MYBPC1: variants seen among roughly 807,000 people sequenced by gnomAD.
The protein encoded by MYBPC1 is myosin-binding protein C, slow-type.
MYBPC1 carries 52 observed loss-of-function variants against 147.1 expected under a neutral mutation model. The observed-to-expected ratio is 0.35, with a 90% CI of 0.28 to 0.45. MYBPC1 has a LOEUF of 0.45. Ranked by LOEUF, MYBPC1 falls within the 20% of genes least tolerant of loss-of-function variation. MYBPC1 has a pLI of 1.00. For synonymous variants in MYBPC1, 477 were observed against 475.9 expected, an observed-to-expected ratio of 1.00 and a Z score of -0.03; for missense variants, 1,228 against 1,440.3, an observed-to-expected ratio of 0.85 and a Z score of 2.39.
chr12:101,654,648 C>G (rs1305902700), intron 18 of MYBPC1, among the ~76,000 whole-genome samples: 1 of 152,086 alleles, frequency 6.6e-6, no homozygotes, highest in Admixed American at 6.5e-5. Flanking sequence ...AAGTATTCAG[C>G]AAAGATCAGT....
At chr12:101,678,050 T>G (rs370302106) in intron 27 of MYBPC1, 52 bp from the exon 28 acceptor site, 1 of 1,582,562 alleles carries the variant, frequency 6.3e-7, no homozygotes, top group Non-Finnish European at 8.7e-7. Context: ...CAATAATATA[T>G]TCTCAGGCCA....
At position 101,670,386 on chromosome 12, in the gene MYBPC1, G is replaced by A. The variant is rs2136651873; in HGVS notation, c.2590G>A (p.Val864Ile). 1 of 1,613,936 alleles carries A rather than the reference G, an allele frequency of 6.2e-7. No homozygotes were observed. Among genetic ancestry groups the A allele is most frequent in the Admixed American group, 1.7e-5 (1 of 60,006 alleles). ...QTYIRRVGEA[V>I]NLVIPFQGKP... The stretch of plus-strand genomic sequence containing the variant: ...CTATATCCGCAGAGTTGGAGAAGCT[G>A]TCAATCTGGTTATACCTTTCCAGGT... The change falls in exon 24 of 32, where the codon GTC (valine) becomes ATC (isoleucine). Residue 864 changes from valine to isoleucine, a missense_variant. By Grantham distance (29) the Val-to-Ile change is conservative (BLOSUM62 3). Around this residue, in one of 2 missense-constraint regions of MYBPC1, gnomAD observed 1,077 missense variants for 1,314.2 expected, o/e 0.82. Transcript: ENST00000361466.
intron 15 of MYBPC1, 104 bp from the exon 16 acceptor site, chr12:101,651,127 A>G: frequency 2.4e-6 from 3 of 1,274,138 alleles, no homozygotes; most frequent in Non-Finnish European, 3.4e-6. Flanking sequence ...CTCACTTTCA[A>G]AACAAACATT....
intron 22 of MYBPC1, among the ~76,000 whole-genome samples, chr12:101,664,174 A>G (rs1897051298): frequency 1.3e-5 from 2 of 152,228 alleles, no homozygotes; most frequent in African/African-American, 2.4e-5. Flanking sequence ...AGGGGAAGAG[A>G]AACAAGGCCA....
rs138475025 is a variant in MYBPC1 at position 101,650,109 on chromosome 12, T to C, written c.1363+683T>C. On this transcript the variant is annotated intron_variant, in intron 15 of 31. Coordinates refer to ENST00000361466, the MANE Select transcript of MYBPC1 (RefSeq NM_002465.4). Reference sequence around the variant, plus strand: ...CTTTATGGATCTGTGGCCATTTTAGTTTAACATCAAGAAGTCTTTCAGCCA... The same window carrying C: ...CTTTATGGATCTGTGGCCATTTTAGCTTAACATCAAGAAGTCTTTCAGCCA... Among the ~76,000 whole-genome samples, 422 of 152,334 alleles carry C rather than the reference T, an allele frequency of 2.8e-3. 2 individuals carry two copies. Among genetic ancestry groups the C allele is most frequent in the African/African-American group, 9.8e-3 (406 of 41,580 alleles).
chr12:101,689,659 A>G (rs111550198), downstream of MYBPC1, among the ~76,000 whole-genome samples: 1,348 of 152,336 alleles, frequency 8.8e-3, 28 homozygotes, highest in African/African-American at 0.03. Flanking sequence ...AAAGAGATTA[A>G]TTATAAGGTA....
chr12:101,678,348 T>TG, intron 28 of MYBPC1, 110 bp downstream of exon 28: 2 of 1,483,468 alleles, frequency 1.3e-6, no homozygotes, highest in Non-Finnish European at 1.9e-6. Flanking sequence ...CTTCCCAGGA[T>TG]GGGGGATTAG....
intron 2 of MYBPC1, among the ~76,000 whole-genome samples, chr12:101,615,403 A>G (rs987007942): frequency 4.6e-5 from 7 of 152,008 alleles, no homozygotes; most frequent in African/African-American, 2.4e-5. Context: ...ATCCCACTCA[A>G]TAATTATTCA....
chr12:101,646,425 C>T (rs1893158826), intron 12 of MYBPC1, among the ~76,000 whole-genome samples: 1 of 152,036 alleles, frequency 6.6e-6, no homozygotes, highest in South Asian at 2.1e-4. Context: ...GGCAGGAACG[C>T]TTGAACCGAG....
chr12:101,629,266 G>C (rs1889294485), intron 5 of MYBPC1, 168 bp from the exon 6 acceptor site: 1 of 662,310 alleles, frequency 1.5e-6, no homozygotes, highest in Middle Eastern at 3.6e-4. Flanking sequence ...ATGGGAATCT[G>C]TTCCCCTCTA....
chr12:101,666,706 G>GGGTGT (rs769440602), intron 22 of MYBPC1: 17 of 1,542,538 alleles, frequency 1.1e-5, no homozygotes, highest in Non-Finnish European at 1.5e-5. Context: ...GTGTGAAAGT[G>GGGTGT]GGTGTCTTTA....
intron 3 of MYBPC1, among the ~76,000 whole-genome samples, chr12:101,623,205 G>A (rs529218248): frequency 6.6e-6 from 1 of 152,134 alleles, no homozygotes; most frequent in Non-Finnish European, 1.5e-5. Flanking sequence ...TGGGTGTGGT[G>A]GCAGACGTCT....
chr12:101,631,547 C>T (rs1413604190), intron 6 of MYBPC1, 24 bp from the exon 7 acceptor site: 1 of 1,613,006 alleles, frequency 6.2e-7, no homozygotes, highest in Admixed American at 1.7e-5. Context: ...AAAGAGCAAG[C>T]TGAATCCCTT....
intron 1 of MYBPC1, among the ~76,000 whole-genome samples, chr12:101,601,161 GAA>G (rs1297483522): frequency 6.6e-6 from 1 of 152,190 alleles, no homozygotes. Flanking sequence ...TGAAAAAGAA[GAA>G]AAGACTTTGT....
rs116291045 is a variant in MYBPC1, at chr12:101,630,785, G to A, written c.290-786G>A. On this transcript the variant is annotated intron_variant, in intron 6 of 31. Coordinates refer to ENST00000361466, the MANE Select transcript of MYBPC1 (RefSeq NM_002465.4). ...ATGCCAAGTGCTATGAAGGGATGGT[G>A]AGCTGGAGGAGGACCTGAGGGTTGA... Among the ~76,000 whole-genome samples the A allele has an allele frequency of 2.2e-3, 329 of 152,342 alleles. 1 individual carries two copies. The highest frequency in any genetic ancestry group is 7.3e-3 in the African/African-American group (304 of 41,566).
intron 11 of MYBPC1, among the ~76,000 whole-genome samples, chr12:101,642,918 C>A (rs976128481): frequency 6.6e-5 from 10 of 152,160 alleles, no homozygotes; most frequent in Admixed American, 3.3e-4. Context: ...TTTCACCATC[C>A]TTTTCTTTCA....
chr12:101,627,186 C>A (rs1056459810), intron 4 of MYBPC1, among the ~76,000 whole-genome samples: 1 of 152,102 alleles, frequency 6.6e-6, no homozygotes, highest in Non-Finnish European at 1.5e-5. Flanking sequence ...TCTTCCATTT[C>A]TCACTATATA....
chr12:101,615,662 G>GCCCCCCC (rs200320748), intron 2 of MYBPC1, among the ~76,000 whole-genome samples: 1 of 43,438 alleles, frequency 2.3e-5, no homozygotes, highest in African/African-American at 7.6e-5. Flanking sequence ...AGAACCCCCC[G>GCCCCCCC]CCCCCCCCCC....
At chr12:101,646,954 A>G (rs1893287986) in intron 13 of MYBPC1, 67 bp downstream of exon 13, 4 of 1,586,308 alleles carry the variant, frequency 2.5e-6, no homozygotes, top group Non-Finnish European at 3.5e-6. Context: ...GATAATGATC[A>G]AAGTGAAAGT....
Sources: gnomAD v4.1 joint callset for allele counts (sites outside exome capture counted in the v4.1 genomes callset) on GRCh38, gnomAD v4.1.1 for gene constraint, gnomAD v4.1.1 regional missense constraint, MANE v1.5 for transcripts, NCBI Gene and HGNC (gene_info 2026-07-23, HGNC 2026-07-21) for gene names.